BNIP5: variants seen among roughly 807,000 people sequenced by gnomAD.
The protein encoded by BNIP5 is protein BNIP5.
BNIP5 carries 61 observed loss-of-function variants against 67.3 expected under a neutral mutation model. The observed-to-expected ratio is 0.91, with a 90% CI of 0.74 to 1.12. BNIP5 has a LOEUF of 1.12. Ranked by LOEUF, BNIP5 falls within the 50% of genes most tolerant of loss-of-function variation. The pLI, the probability that BNIP5 is intolerant of heterozygous loss-of-function variation, is 0.00. For synonymous variants in BNIP5, 317 were observed against 319.0 expected (o/e 0.99, Z 0.07); for missense variants, 826 against 816.3 (o/e 1.01, Z -0.14).
At chr6:36,320,914 C>T (rs1771622110) in intron 10 of BNIP5, among the ~76,000 whole-genome samples, 1 of 152,158 alleles carries the variant, frequency 6.6e-6, no homozygotes. Context: ...GGCAGGGAGG[C>T]CACATGAGCG....
chr6:36,323,653 C>CTCA, intron 7 of BNIP5, 120 bp from the exon 8 acceptor site: 2 of 1,139,104 alleles, frequency 1.8e-6, no homozygotes, highest in Non-Finnish European at 2.5e-6. Flanking sequence ...GTGGTTGATG[C>CTCA]TCAGTGCTGG....
chr6:36,327,897 G>A (rs1295789427), intron 3 of BNIP5, among the ~76,000 whole-genome samples: 4 of 148,954 alleles, frequency 2.7e-5, no homozygotes, highest in Non-Finnish European at 5.9e-5. Context: ...GGCTTTTGTC[G>A]CTTGACTCAG....
At chr6:36,319,670 G>T in intron 10 of BNIP5, 60 bp from the exon 11 acceptor site, 1 of 1,561,460 alleles carries the variant, frequency 6.4e-7, no homozygotes. Context: ...CCCGCCAACT[G>T]CCCCTCCCAC....
rs141030977 is a variant in BNIP5 at position 36,330,224 on chromosome 6, C to T, written c.467G>A (p.Arg156His). Residue 156 changes from arginine to histidine, a missense_variant, in exon 2 of 12, where the codon CGC (arginine) becomes CAC (histidine). By Grantham distance (29) the Arg-to-His change is conservative (BLOSUM62 0). Transcript: ENST00000437635. The stretch of plus-strand genomic sequence containing the variant: ...GTGTTTCTTGTGACCTTGCTTCTTG[C>T]GGCTGGGCTTCTTGTCGTGGTGGGC... Reference protein sequence around the residue: ...KKAHHDKKPSRKKQGHKKHAA... With the variant: ...KKAHHDKKPSHKKQGHKKHAA... 97 of 1,614,104 alleles carry T rather than the reference C, an allele frequency of 6.0e-5. No individual in the cohort carries two copies. Among genetic ancestry groups the T allele is most frequent in the African/African-American group, 5.9e-4 (44 of 75,026 alleles).
chr6:36,324,015 A>AG (rs58447476), intron 7 of BNIP5, 114 bp downstream of exon 7: 11 of 779,210 alleles, frequency 1.4e-5, no homozygotes, highest in Non-Finnish European at 1.1e-5. Flanking sequence ...AAAAAAAAAA[A>AG]GGAGGGACTG....
intron 1 of BNIP5, among the ~76,000 whole-genome samples, chr6:36,334,478 G>A (rs1771972378): frequency 6.6e-6 from 1 of 151,826 alleles, no homozygotes; most frequent in South Asian, 2.1e-4. Context: ...TCCTCTCTGG[G>A]TGGCTGTGAC....
intron 1 of BNIP5, among the ~76,000 whole-genome samples, chr6:36,331,415 A>G (rs1771904141): frequency 6.6e-6 from 1 of 152,166 alleles, no homozygotes. Context: ...GTCCAAAGCC[A>G]CTGGGTCTGG....
intron 7 of BNIP5, 56 bp downstream of exon 7, chr6:36,324,073 G>T (rs2127365318): frequency 1.5e-6 from 2 of 1,301,904 alleles, no homozygotes; most frequent in Non-Finnish European, 2.2e-6. Flanking sequence ...GTTACACCAG[G>T]CAGGGTTGGG....
At position 36,330,285 on chromosome 6, in the gene BNIP5, G is replaced by C. The variant is rs370261293; in HGVS notation, c.406C>G (p.Leu136Val). ...AGGGCTGGCTCCCCTGCTGCTTCCA[G>C]GGGCTCCGGATGCTGGGAGATACCC... ...KEGISQHPEPLEAAGEPALRK... is the reference protein window; with the variant it reads ...KEGISQHPEPVEAAGEPALRK... Residue 136 changes from leucine (L) to valine (V), a missense_variant, in exon 2 of 12, where the codon CTG (leucine) becomes GTG (valine). Leu to Val is a conservative substitution (Grantham distance 32, BLOSUM62 1). Transcript: ENST00000437635. 3 of 1,614,086 alleles carry C rather than the reference G, an allele frequency of 1.9e-6. No homozygotes were observed. The African/African-American group carries it at 4.0e-5, about 22-fold the overall frequency.
chr6:36,317,530 C>A, intron 11 of BNIP5, 139 bp from the exon 12 acceptor site: 1 of 732,524 alleles, frequency 1.4e-6, no homozygotes, highest in South Asian at 1.5e-5. Flanking sequence ...TGCAACACCT[C>A]CTGCTGACAC....
In BNIP5 at chr6:36,322,330, C is replaced by A; in HGVS notation, c.1584G>T (p.Leu528=). The part of the protein sequence containing the change: ...RGHTPEGAPQ[L]SGACESKEII... Reference sequence around the variant, plus strand: ...ACTGACTAGATTCACATGCTCCACTCAGCTGAGGTGCCCCTTCTGGCGTGT... The same window carrying A: ...ACTGACTAGATTCACATGCTCCACTAAGCTGAGGTGCCCCTTCTGGCGTGT... The change falls in exon 9 of 12, where the codon CTG becomes CTT. Residue 528 remains leucine, a synonymous_variant. Transcript: ENST00000437635. 1 of 1,614,180 alleles carries A rather than the reference C, an allele frequency of 6.2e-7. No individual in the cohort carries two copies. The highest frequency in any genetic ancestry group is 1.1e-5 in the South Asian group (1 of 91,084).
intron 6 of BNIP5, among the ~76,000 whole-genome samples, chr6:36,324,951 C>A (rs921855957): frequency 1.3e-5 from 2 of 152,120 alleles, no homozygotes; most frequent in Admixed American, 1.3e-4. Context: ...CAAGTCCACA[C>A]AGCTCAAAGG....
chr6:36,335,571 G>A (rs1771995802), intron 1 of BNIP5, among the ~76,000 whole-genome samples: 1 of 152,236 alleles, frequency 6.6e-6, no homozygotes, highest in South Asian at 2.1e-4. Context: ...CATGAGAGGG[G>A]ACCTGAGCCT....
At position 36,319,510 on chromosome 6, in the gene BNIP5, G is replaced by C. The variant is rs200280302; in HGVS notation, c.1769C>G (p.Ser590Cys). The C allele has an allele frequency of 6.2e-7, 1 of 1,614,094 alleles. No individual in the cohort carries two copies. Among genetic ancestry groups the C allele is most frequent in the Non-Finnish European group, 8.5e-7 (1 of 1,180,048 alleles). ...ATLRSQVAHS[S>C]KLDRNRARRL... The stretch of plus-strand genomic sequence containing the variant: ...CCTGGCGCGGTTCCTGTCCAGCTTA[G>C]AGGAGTGAGCCACCTGGCTGCGCAG... Residue 590 changes from serine (S) to cysteine (C), a missense_variant, in exon 11 of 12, where the codon TCT becomes TGT. Transcript: ENST00000437635.
intron 9 of BNIP5, 41 bp downstream of exon 9, chr6:36,322,270 A>G (rs778654404): frequency 1.9e-6 from 3 of 1,612,454 alleles, no homozygotes; most frequent in South Asian, 2.2e-5. Flanking sequence ...GAAGAGAAGC[A>G]CCCGGGAAGC....
chr6:36,323,748 C>T (rs910007484), intron 7 of BNIP5, among the ~76,000 whole-genome samples: 2 of 152,028 alleles, frequency 1.3e-5, no homozygotes, highest in African/African-American at 4.8e-5. Context: ...ACCTATAATC[C>T]AAGTACTTTG....
chr6:36,316,708 G>T lies in BNIP5; in HGVS notation c.*648C>A. The T allele has an allele frequency of 2.5e-6, 1 of 398,740 alleles. No homozygotes were observed. The highest frequency in any genetic ancestry group is 4.4e-6 in the Non-Finnish European group (1 of 226,168). 24.7% of individuals were successfully genotyped at this position (398,740 alleles called of 1,614,324 possible). On this transcript the variant is annotated 3_prime_UTR_variant, in exon 12 of 12. Transcript: ENST00000437635. Reference sequence around the variant, plus strand: ...ACTCCTAGCCAATCCCATGAGATGGGAGAGGTGCAAGGTATCAGCTCCATT... The same window carrying T: ...ACTCCTAGCCAATCCCATGAGATGGTAGAGGTGCAAGGTATCAGCTCCATT...
In BNIP5 at chr6:36,319,584, C is replaced by G; in HGVS notation, c.1695G>C (p.Arg565Ser). 6.2e-7 allele frequency: 1 copy of G among 1,612,728 alleles called. No individual in the cohort carries two copies. The highest frequency in any genetic ancestry group is 2.2e-5 in the East Asian group (1 of 44,846). The change falls in exon 11 of 12, where the codon AGG (arginine) becomes AGC (serine). Residue 565 changes from arginine (R) to serine (S), a missense_variant. Arg to Ser is a moderately radical substitution (Grantham distance 110, BLOSUM62 -1). Transcript: ENST00000437635. The stretch of plus-strand genomic sequence containing the variant: ...AGGAGTCCGAGAACTCGTAAAAAAA[C>G]CTCTTAAAGCTGGGGTGGCGCCTGA... The part of the protein sequence containing the change: ...QQIRRHPSFK[R>S]FFYEFSDSSL...
intron 3 of BNIP5, among the ~76,000 whole-genome samples, chr6:36,327,639 T>G (rs1251355572): frequency 6.6e-6 from 1 of 152,184 alleles, no homozygotes; most frequent in Non-Finnish European, 1.5e-5. Flanking sequence ...AGAGACAGCC[T>G]GCCACGCTGA....
Sources: gnomAD v4.1 joint callset for allele counts (sites outside exome capture counted in the v4.1 genomes callset) on GRCh38, gnomAD v4.1.1 for gene constraint, MANE v1.5 for transcripts, NCBI Gene and HGNC (gene_info 2026-07-23, HGNC 2026-07-21) for gene names.